Variants in GRID2 observed in about 807,000 individuals in gnomAD.
The protein encoded by GRID2 is glutamate receptor ionotropic, delta-2.
Under a neutral mutation model 114.8 loss-of-function variants are expected in GRID2, and 33 were observed. That is an observed-to-expected ratio of 0.29 (90% confidence interval 0.22 to 0.38). The LOEUF (loss-of-function observed/expected upper bound fraction) is 0.38. GRID2 is among the 10% of genes least tolerant of loss of function. GRID2 has a pLI of 1.00. For missense variants in GRID2, 1,184 were observed against 1,257.7 expected (o/e 0.94, Z 0.89); for synonymous variants, 505 against 449.9 (o/e 1.12, Z -1.55).
intron 10 of GRID2, among the ~76,000 whole-genome samples, chr4:93,443,527 G>A (rs184681075): frequency 1.2e-4 from 19 of 152,052 alleles, no homozygotes; most frequent in African/African-American, 4.1e-4. Flanking sequence ...TATTATAGGG[G>A]ACATGGCCAA....
intron 13 of GRID2, among the ~76,000 whole-genome samples, chr4:93,578,585 G>GTTTTTTTGTTTTTTTGT (rs1736642083): frequency 1.7e-5 from 2 of 115,258 alleles, no homozygotes; most frequent in African/African-American, 7.6e-5. Context: ...CTTGTTTTTT[G>GTTTTTTTGTTTTTTTGT]TATTTTTTTT....
chr4:92,701,442 T>G (rs1450095100), intron 2 of GRID2, among the ~76,000 whole-genome samples: 4 of 152,120 alleles, frequency 2.6e-5, no homozygotes, highest in African/African-American at 4.8e-5. Flanking sequence ...CTCATAGTGT[T>G]AAGCTCTCCA....
chr4:92,312,444 T>A (rs1725755618), intron 1 of GRID2, among the ~76,000 whole-genome samples: 1 of 152,022 alleles, frequency 6.6e-6, no homozygotes, highest in Admixed American at 6.6e-5. Flanking sequence ...GGACATAATG[T>A]GAAGATCGGA....
chr4:93,458,926 T>C (rs1723455562), intron 11 of GRID2, among the ~76,000 whole-genome samples: 1 of 152,018 alleles, frequency 6.6e-6, no homozygotes, highest in Non-Finnish European at 1.5e-5. Flanking sequence ...TGGTGGCACA[T>C]GCCAGCACTT....
At chr4:93,177,632 C>A (rs1301182031) in intron 4 of GRID2, among the ~76,000 whole-genome samples, 1 of 152,116 alleles carries the variant, frequency 6.6e-6, no homozygotes, top group Non-Finnish European at 1.5e-5. Flanking sequence ...ACTGTTGATT[C>A]AACATAAAAA....
At chr4:93,649,827 A>T (rs1427797702) in intron 14 of GRID2, among the ~76,000 whole-genome samples, 2 of 152,198 alleles carry the variant, frequency 1.3e-5, no homozygotes, top group African/African-American at 4.8e-5. Flanking sequence ...GCATAACTTT[A>T]TAACTCCAAA....
intron 13 of GRID2, among the ~76,000 whole-genome samples, chr4:93,570,101 AT>A: frequency 6.6e-6 from 1 of 152,254 alleles, no homozygotes; most frequent in Middle Eastern, 3.4e-3. Flanking sequence ...CTTCATTAAT[AT>A]TTTTTAAATA....
chr4:93,362,940 C>T (rs542313662), intron 8 of GRID2, among the ~76,000 whole-genome samples: 9 of 152,210 alleles, frequency 5.9e-5, no homozygotes, highest in South Asian at 2.1e-4. Context: ...TTACCTGCAG[C>T]GGGGCACGGT....
intron 14 of GRID2, among the ~76,000 whole-genome samples, chr4:93,647,654 T>C (rs1722229794): frequency 6.6e-6 from 1 of 152,036 alleles, no homozygotes; most frequent in Non-Finnish European, 1.5e-5. Context: ...AGGTCACAGG[T>C]TTACCACGGA....
At chr4:93,013,009 A>G (rs1316553134) in intron 2 of GRID2, among the ~76,000 whole-genome samples, 1 of 152,108 alleles carries the variant, frequency 6.6e-6, no homozygotes, top group Non-Finnish European at 1.5e-5. Flanking sequence ...GCTAAAATTC[A>G]TATGGGATAT....
intron 1 of GRID2, among the ~76,000 whole-genome samples, chr4:92,406,975 G>A (rs186764733): frequency 6.6e-6 from 1 of 152,068 alleles, no homozygotes; most frequent in East Asian, 1.9e-4. Flanking sequence ...AAAAAAGGAG[G>A]TTTAATTGGC....
At chr4:92,690,797 T>A (rs1378246542) in intron 2 of GRID2, among the ~76,000 whole-genome samples, 1 of 152,124 alleles carries the variant, frequency 6.6e-6, no homozygotes, top group Non-Finnish European at 1.5e-5. Flanking sequence ...TAACATGTTC[T>A]TAACTGGCTT....
intron 2 of GRID2, among the ~76,000 whole-genome samples, chr4:92,911,028 G>A (rs918465275): frequency 2.0e-5 from 3 of 151,926 alleles, no homozygotes; most frequent in South Asian, 2.1e-4. Context: ...AATACTGCAC[G>A]TTGAATATCA....
intron 14 of GRID2, among the ~76,000 whole-genome samples, chr4:93,631,401 C>T (rs780438517): frequency 1.3e-5 from 2 of 152,098 alleles, no homozygotes; most frequent in Non-Finnish European, 2.9e-5. Context: ...GTGTGTGATG[C>T]TCCCCTTCCC....
intron 2 of GRID2, among the ~76,000 whole-genome samples, chr4:92,689,136 T>C (rs12500082): frequency 0.26 from 39,213 of 152,112 alleles, 5,285 homozygotes; most frequent in East Asian, 0.43. Flanking sequence ...TGAAAATAGA[T>C]GTGCTGTCAT....
At position 93,450,297 on chromosome 4, in the gene GRID2, A is replaced by G. The variant is rs1425390800; in HGVS notation, c.1546-5365A>G. Among the ~76,000 whole-genome samples, 3 of 151,906 alleles carry G rather than the reference A, an allele frequency of 2.0e-5. No individual in the cohort carries two copies. The East Asian group carries it at 5.8e-4, about 29-fold the overall frequency. ...CATCTAATAAAGAGTACAGGGAAGC[A>G]GGTATTGATTCATTATAAAATCAAA... On this transcript the variant is annotated intron_variant, in intron 10 of 15. Transcript: ENST00000282020.
intron 2 of GRID2, among the ~76,000 whole-genome samples, chr4:92,941,600 T>C (rs1028518863): frequency 5.9e-5 from 9 of 152,096 alleles, no homozygotes; most frequent in South Asian, 4.1e-4. Context: ...TTATTTCTTG[T>C]CTTCTGCTAG....
chr4:92,862,737 C>A (rs189044934), intron 2 of GRID2, among the ~76,000 whole-genome samples: 1 of 152,126 alleles, frequency 6.6e-6, no homozygotes, highest in Admixed American at 6.6e-5. Context: ...AGTTGTTGTG[C>A]ATACATTTTT....
intron 8 of GRID2, among the ~76,000 whole-genome samples, chr4:93,316,531 T>C (rs1385082795): frequency 1.3e-5 from 2 of 152,154 alleles, no homozygotes; most frequent in Admixed American, 6.6e-5. Context: ...CATTTTACCC[T>C]GCTCCTTTCA....
Sources: allele counts gnomAD v4.1 joint callset (sites outside exome capture counted in the v4.1 genomes callset), GRCh38; gene constraint gnomAD v4.1.1; transcripts MANE v1.5; gene names NCBI Gene and HGNC (gene_info 2026-07-23, HGNC 2026-07-21).